ZNF516: variants seen among roughly 807,000 people sequenced by gnomAD.
The protein encoded by ZNF516 is zinc finger protein 516.
ZNF516 carries 19 observed loss-of-function variants against 79.7 expected under a neutral mutation model. The observed-to-expected ratio is 0.24, with a 90% confidence interval of 0.17 to 0.35. The LOEUF (loss-of-function observed/expected upper bound fraction) is 0.35. ZNF516 is among the 10% of genes least tolerant of loss of function. The pLI is 1.00. For synonymous variants in ZNF516, 877 were observed against 739.5 expected (o/e 1.19, Z -3.02); for missense variants, 1,678 against 1,679.5 (o/e 1.00, Z 0.02).
intron 2 of ZNF516, among the ~76,000 whole-genome samples, chr18:76,449,876 G>A (rs1323279190): frequency 6.6e-6 from 1 of 152,148 alleles, no homozygotes; most frequent in Non-Finnish European, 1.5e-5. Context: ...GGCCCTTATG[G>A]TTTATACAAC....
intron 3 of ZNF516, among the ~76,000 whole-genome samples, chr18:76,397,829 G>C (rs1219111354): frequency 6.6e-6 from 1 of 152,098 alleles, no homozygotes; most frequent in East Asian, 1.9e-4. Flanking sequence ...AAATTCCTGG[G>C]CTCAAGTGAT....
At chr18:76,450,063 G>A (rs532684736) in intron 2 of ZNF516, among the ~76,000 whole-genome samples, 2 of 152,010 alleles carry the variant, frequency 1.3e-5, no homozygotes, top group South Asian at 2.1e-4. Flanking sequence ...GGTAATATAG[G>A]AGAGTGGTCT....
intron 6 of ZNF516, 58 bp downstream of exon 6, chr18:76,370,470 T>C: frequency 6.8e-7 from 1 of 1,480,114 alleles, no homozygotes; most frequent in Non-Finnish European, 9.2e-7. Flanking sequence ...AGCATCATGG[T>C]GCACCTTTCC....
intron 3 of ZNF516, among the ~76,000 whole-genome samples, chr18:76,413,384 T>A (rs1221578614): frequency 3.3e-5 from 5 of 152,138 alleles, no homozygotes; most frequent in Admixed American, 3.3e-4. Context: ...GAGGGTATCG[T>A]TCATCTTGCC....
chr18:76,458,888 C>T (rs1348914011), intron 2 of ZNF516, among the ~76,000 whole-genome samples: 3 of 151,002 alleles, frequency 2.0e-5, no homozygotes, highest in African/African-American at 4.9e-5. Flanking sequence ...CGTGTGTGTG[C>T]GTGCCTGTGT....
chr18:76,454,370 A>G (rs529667034), intron 2 of ZNF516, among the ~76,000 whole-genome samples: 1 of 152,270 alleles, frequency 6.6e-6, no homozygotes, highest in Non-Finnish European at 1.5e-5. Flanking sequence ...GAATTACTTA[A>G]GATTTTGTTT....
chr18:76,483,780 G>A (rs748183271), intron 1 of ZNF516, among the ~76,000 whole-genome samples: 25 of 152,154 alleles, frequency 1.6e-4, no homozygotes, highest in African/African-American at 4.6e-4. Context: ...ATTGGGTTTC[G>A]CAAGAAAACC....
Position 76,379,593 on chromosome 18 carries a change from G to A in ZNF516, c.2521C>T (p.Pro841Ser). ...LLARFTRTQVPGGMPGSKSGS... is the reference protein window; with the variant it reads ...LLARFTRTQVSGGMPGSKSGS... ...CTTTTGGACCCCGGCATCCCCCCTG[G>A]CACCTGAGTGCGGGTGAACCGAGCA... Residue 841 changes from proline to serine, a missense_variant, in exon 4 of 7, where the codon CCA (proline) becomes TCA (serine). By Grantham distance (74) the Pro-to-Ser change is moderately conservative. Coordinates refer to ENST00000443185, the MANE Select transcript of ZNF516 (RefSeq NM_014643.4). 6.2e-7 allele frequency: 1 copy of A among 1,613,624 alleles called. No individual in the cohort carries two copies. The highest frequency in any genetic ancestry group is 8.5e-7 in the Non-Finnish European group (1 of 1,179,894).
rs1382998530 is a variant in ZNF516, at chr18:76,360,714, T to C, written c.*1784A>G. ...GTTACATTGCATCGTTTGAAAGTGT[T>C]GCAAAGTAACCTGAACCGTCAAGTA... is the stretch of plus-strand genomic sequence containing the variant. On this transcript the variant is annotated 3_prime_UTR_variant, in exon 7 of 7. Coordinates refer to ENST00000443185, the MANE Select transcript of ZNF516 (RefSeq NM_014643.4). 4 of 137,602 alleles carry C rather than the reference T, an allele frequency of 2.9e-5. No homozygotes were observed. The highest frequency in any genetic ancestry group is 7.6e-5 in the Admixed American group (1 of 13,202). 8.5% of individuals were successfully genotyped at this position (137,602 alleles called of 1,614,324 possible).
Position 76,377,012 on chromosome 18 carries a change from G to T in ZNF516, c.3259+1843C>A, listed in dbSNP as rs544334161. ...AAGTGAGGCTGGCATCACATCAAAA[G>T]GCCACCAACCAACTTGTTTTCCACT... On this transcript the variant is annotated intron_variant, in intron 4 of 6. Coordinates refer to ENST00000443185, the MANE Select transcript of ZNF516 (RefSeq NM_014643.4). Among the ~76,000 whole-genome samples, 177 of 152,314 alleles carry T rather than the reference G, an allele frequency of 1.2e-3. 2 individuals are homozygous for T. The highest frequency in any genetic ancestry group is 5.9e-5 in the Non-Finnish European group (4 of 68,030).
At chr18:76,465,143 G>A (rs563290896) in intron 1 of ZNF516, among the ~76,000 whole-genome samples, 5 of 152,318 alleles carry the variant, frequency 3.3e-5, no homozygotes, top group African/African-American at 4.8e-5. Context: ...GCTGGACATC[G>A]TGTCTTCAAC....
intron 3 of ZNF516, among the ~76,000 whole-genome samples, chr18:76,404,002 A>G (rs2145238485): frequency 6.6e-6 from 1 of 152,372 alleles, no homozygotes; most frequent in South Asian, 2.1e-4. Context: ...CGTGGGTACC[A>G]GAGCAGCAGC....
intron 6 of ZNF516, 67 bp from the exon 7 acceptor site, chr18:76,362,624 T>C (rs1274294132): frequency 6.8e-7 from 1 of 1,464,960 alleles, no homozygotes; most frequent in Non-Finnish European, 9.4e-7. Flanking sequence ...AAATGCATTT[T>C]TCCTATTAAT....
intron 3 of ZNF516, among the ~76,000 whole-genome samples, chr18:76,395,672 C>A (rs944192509): frequency 1.3e-5 from 2 of 151,920 alleles, no homozygotes; most frequent in African/African-American, 4.8e-5. Context: ...GAGTCAGTGA[C>A]CACGGACAGG....
At chr18:76,436,526 C>T (rs911445722) in intron 3 of ZNF516, among the ~76,000 whole-genome samples, 1 of 152,192 alleles carries the variant, frequency 6.6e-6, no homozygotes, top group African/African-American at 2.4e-5. Context: ...GCGTCCAAGC[C>T]AGGACACCGC....
Position 76,451,279 on chromosome 18 carries a change from C to T in ZNF516, c.-157-8068G>A, listed in dbSNP as rs1016402749. On this transcript the variant is annotated intron_variant, in intron 2 of 6. Transcript: ENST00000443185. The surrounding 1 kb of genome is among the most constrained non-coding windows in gnomAD (Gnocchi z 6.0). ...GACGCCATGTGGCTTTACTTATCCC[C>T]GTCTGCGTCCTCTCTGACCACCTTC... 2.6e-5 allele frequency among the ~76,000 whole-genome samples: 4 copies of T among 152,182 alleles called. No homozygotes were observed. The highest frequency in any genetic ancestry group is 4.4e-5 in the Non-Finnish European group (3 of 68,036).
intron 1 of ZNF516, among the ~76,000 whole-genome samples, chr18:76,494,389 C>T (rs1417236755): frequency 2.0e-5 from 3 of 151,728 alleles, no homozygotes; most frequent in South Asian, 4.2e-4. Flanking sequence ...CACCCGCACC[C>T]GGCGGGGCGC....
In ZNF516 at chr18:76,360,868, G is replaced by GGTGTGTGTGTGTGTTT. The variant is rs1186202146; in HGVS notation, c.*1614_*1629dup. On this transcript the variant is annotated 3_prime_UTR_variant, in exon 7 of 7. Transcript: ENST00000443185. Reference sequence around the variant, plus strand: ...TTAGAACAGGAAACCCACACTTTAGGGTGTGTGTGTGTGTTTGTGTGTGTG... The same window carrying GGTGTGTGTGTGTGTTT: ...TTAGAACAGGAAACCCACACTTTAGGGTGTGTGTGTGTGTTTGTGTGTGTGTGTGTTTGTGTGTGTG... The GGTGTGTGTGTGTGTTT allele has an allele frequency of 6.7e-6, 1 of 148,876 alleles. No individual in the cohort carries two copies. Among genetic ancestry groups the GGTGTGTGTGTGTGTTT allele is most frequent in the African/African-American group, 2.5e-5 (1 of 40,546 alleles). The allele number at this position is 148,876 out of a possible 1,614,324, so 9.2% of individuals were successfully genotyped here.
At chr18:76,386,147 T>G (rs182626847) in intron 3 of ZNF516, 1 of 152,394 alleles carries the variant, frequency 6.6e-6, no homozygotes, top group East Asian at 1.9e-4. Context: ...AAGGGGTGTC[T>G]GCCCACCTGG....
Sources: gnomAD v4.1 joint callset for allele counts (sites outside exome capture counted in the v4.1 genomes callset) on GRCh38, gnomAD v4.1.1 for gene constraint, Gnocchi (gnomAD v3.1) non-coding constraint, MANE v1.5 for transcripts, NCBI Gene and HGNC (gene_info 2026-07-23, HGNC 2026-07-21) for gene names.